Variants in MFSD11 observed in about 807,000 individuals in gnomAD.
The protein encoded by MFSD11 is major facilitator superfamily domain containing 11, also known as UNC93-like protein MFSD11.
Under a neutral mutation model 53.5 loss-of-function variants are expected in MFSD11, and 36 were observed. The ratio of observed to expected loss-of-function variants is 0.67; its 90% CI spans 0.52 to 0.89. MFSD11 has a LOEUF of 0.89. Among genes scored for constraint, MFSD11 ranks in the 40% least tolerant of loss-of-function variants. MFSD11 has a pLI of 0.00. For synonymous variants in MFSD11, 186 were observed against 184.9 expected, an observed-to-expected ratio of 1.01 and a Z score of -0.05; for missense variants, 530 against 543.9, an observed-to-expected ratio of 0.97 and a Z score of 0.25.
chr17:76,744,449 G>C lies in MFSD11; in HGVS notation c.624G>C (p.Gln208His), dbSNP rs760867811. 1 of 1,607,434 alleles carries C rather than the reference G, an allele frequency of 6.2e-7. No individual in the cohort carries two copies. The highest frequency in any genetic ancestry group is 8.5e-7 in the Non-Finnish European group (1 of 1,178,284). Reference sequence around the variant, plus strand: ...GAGAAGATGAGTCTTCTGATGACCAGGACATGGAAGTCAACGAGTAAGATG... The same window carrying C: ...GAGAAGATGAGTCTTCTGATGACCACGACATGGAAGTCAACGAGTAAGATG... ...VLGEDESSDD[Q>H]DMEVNESAQN... Residue 208 changes from glutamine to histidine, a missense_variant, in exon 7 of 13, where the codon CAG becomes CAC. Coordinates refer to ENST00000685175, the MANE Select transcript of MFSD11 (RefSeq NM_001242532.5).
chr17:76,800,639 A>G, the MFSD11 span, among the ~76,000 whole-genome samples: 1 of 152,162 alleles, frequency 6.6e-6, no homozygotes, highest in South Asian at 2.1e-4. Flanking sequence ...CTGGCTACAG[A>G]ACAGTGAGGG....
chr17:76,783,272 G>A (rs192251567), downstream of MFSD11, among the ~76,000 whole-genome samples: 4 of 152,180 alleles, frequency 2.6e-5, no homozygotes, highest in South Asian at 4.2e-4. Context: ...CTGTAGCTGG[G>A]TCTCCCATGG....
At chr17:76,759,071 C>A (rs1288424586) in intron 8 of MFSD11, among the ~76,000 whole-genome samples, 3 of 151,906 alleles carry the variant, frequency 2.0e-5, no homozygotes, top group Non-Finnish European at 4.4e-5. Flanking sequence ...CATAGTGAGA[C>A]CTTATCTCTA....
At position 76,764,880 on chromosome 17, in the gene MFSD11, C is replaced by T. The variant is rs144880016; in HGVS notation, c.683-2506C>T. Among the ~76,000 whole-genome samples the T allele has an allele frequency of 2.7e-4, 41 of 152,274 alleles. 1 individual carries two copies. The East Asian group carries it at 6.6e-3, about 24-fold the overall frequency. ...TGTTCGCTGTACCAATTTACATCCTCACCAATAGCGTACAAGGGTTGTCTT... is the reference window on the plus strand; with the variant it reads ...TGTTCGCTGTACCAATTTACATCCTTACCAATAGCGTACAAGGGTTGTCTT... On this transcript the variant is annotated intron_variant, in intron 8 of 12. Transcript: ENST00000685175.
At chr17:76,769,625 A>G (rs2081203993) in intron 9 of MFSD11, 121 bp from the exon 10 acceptor site, 2 of 679,704 alleles carry the variant, frequency 2.9e-6, no homozygotes, top group South Asian at 2.1e-5. Flanking sequence ...TTAATATTTC[A>G]GTCTCTGTGA....
At chr17:76,791,554 C>G in the MFSD11 span, among the ~76,000 whole-genome samples, 1 of 149,008 alleles carries the variant, frequency 6.7e-6, no homozygotes, top group East Asian at 1.9e-4. Flanking sequence ...TTCTTCTCTA[C>G]TTCTTTGTGG....
At chr17:76,790,264 A>G in the MFSD11 span, among the ~76,000 whole-genome samples, 1 of 146,948 alleles carries the variant, frequency 6.8e-6, no homozygotes, top group Non-Finnish European at 1.5e-5. Context: ...ACAGGGTTTC[A>G]CCATGTTGGC....
the MFSD11 span, among the ~76,000 whole-genome samples, chr17:76,802,273 AAAC>A: frequency 2.9e-4 from 44 of 152,304 alleles, no homozygotes; most frequent in African/African-American, 9.4e-4. Flanking sequence ...TCTGTCTCAA[AAAC>A]AACAACAACA....
intron 7 of MFSD11, among the ~76,000 whole-genome samples, chr17:76,753,739 A>C (rs1039005292): frequency 1.3e-5 from 2 of 152,068 alleles, no homozygotes; most frequent in African/African-American, 2.4e-5. Flanking sequence ...ACAGGATAGA[A>C]GGTATTTCTG....
At chr17:76,785,818 T>C (rs2082267257), downstream of MFSD11, among the ~76,000 whole-genome samples, 1 of 152,018 alleles carries the variant, frequency 6.6e-6, no homozygotes, top group Admixed American at 6.6e-5. Context: ...TGGTGGCTCA[T>C]GCCTAAAATC....
intron 7 of MFSD11, chr17:76,747,991 TAAGTCCTTGTTCTTACGGGACTTA>T (rs1468214600): frequency 6.6e-6 from 1 of 151,970 alleles, no homozygotes; most frequent in Non-Finnish European, 1.5e-5. Context: ...ACAAGACAGA[TAAGTCCTTGTTCTTACGGGACTTA>T]ATTTTAGAGG....
chr17:76,795,883 T>A, the MFSD11 span, among the ~76,000 whole-genome samples: 295 of 150,850 alleles, frequency 2.0e-3, no homozygotes, highest in African/African-American at 6.7e-3. Flanking sequence ...GCCAGGATGG[T>A]CTCGATCTCC....
intron 8 of MFSD11, 82 bp from the exon 9 acceptor site, chr17:76,767,304 T>G: frequency 1.3e-6 from 1 of 758,918 alleles, no homozygotes; most frequent in Non-Finnish European, 2.3e-6. Context: ...TGACAAGGGG[T>G]GTTTTGGTTG....
Position 76,769,880 on chromosome 17 carries a change from T to TA in MFSD11, c.874+17dup, listed in dbSNP as rs774267221. On this transcript the variant is annotated intron_variant, in intron 10 of 12. Coordinates refer to ENST00000685175, the MANE Select transcript of MFSD11 (RefSeq NM_001242532.5). ...CATTGGAGAAATTTTAGGTTGGTTT[T>TA]AAAAAAAAGCGTTTGCATTAAAAAT... The TA allele has an allele frequency of 4.8e-5, 76 of 1,599,970 alleles. No individual in the cohort carries two copies. Among genetic ancestry groups the TA allele is most frequent in the Middle Eastern group, 1.7e-4 (1 of 6,056 alleles).
chr17:76,766,420 A>C (rs1042656546), intron 8 of MFSD11, among the ~76,000 whole-genome samples: 2 of 142,318 alleles, frequency 1.4e-5, no homozygotes, highest in African/African-American at 5.5e-5. Flanking sequence ...CTCTGTCTCA[A>C]AAAAAAAAAA....
chr17:76,738,465 C>T lies in MFSD11; in HGVS notation c.96+17C>T, dbSNP rs1190675805. On this transcript the variant is annotated intron_variant, in intron 1 of 12. Transcript: ENST00000685175. ...AATGTGGCGGTGAGTTGGAATCTGT[C>T]CTCCCTCCTTTGAAGTGCCCATCAT... 6.3e-7 allele frequency: 1 copy of T among 1,583,276 alleles called. No individual in the cohort carries two copies. The highest frequency in any genetic ancestry group is 8.7e-7 in the Non-Finnish European group (1 of 1,152,060).
At chr17:76,772,118 T>C (rs2081415038) in intron 10 of MFSD11, among the ~76,000 whole-genome samples, 1 of 152,066 alleles carries the variant, frequency 6.6e-6, no homozygotes, top group African/African-American at 2.4e-5. Flanking sequence ...TAATTTCAAA[T>C]TGATAAGAAA....
At chr17:76,750,798 A>C (rs1329821718) in intron 7 of MFSD11, among the ~76,000 whole-genome samples, 2 of 151,282 alleles carry the variant, frequency 1.3e-5, no homozygotes, top group Non-Finnish European at 1.5e-5. Flanking sequence ...TTAGGATAGG[A>C]AATGTAATCT....
At chr17:76,750,286 C>T (rs1035572001) in intron 7 of MFSD11, among the ~76,000 whole-genome samples, 3 of 151,712 alleles carry the variant, frequency 2.0e-5, no homozygotes, top group South Asian at 2.1e-4. Flanking sequence ...TATTTGCTTC[C>T]GGGCAAGGCA....
Sources: gnomAD v4.1 joint callset for allele counts (sites outside exome capture counted in the v4.1 genomes callset) on GRCh38, gnomAD v4.1.1 for gene constraint, MANE v1.5 for transcripts, NCBI Gene and HGNC (gene_info 2026-07-23, HGNC 2026-07-21) for gene names.